Variants in VSIG10L2 observed in about 807,000 individuals in gnomAD.
The protein encoded by VSIG10L2 is V-set and immunoglobulin domain-containing protein 10-like 2.
A neutral mutation model predicts 67.1 loss-of-function variants in VSIG10L2; 56 were observed. That is an observed-to-expected ratio of 0.83 (90% CI 0.67 to 1.04). The LOEUF (loss-of-function observed/expected upper bound fraction) is 1.04, where lower values mean the gene tolerates loss of function less well. VSIG10L2 is among the 50% of genes least tolerant of loss of function. VSIG10L2 has a pLI of 0.00. For synonymous variants in VSIG10L2, 360 were observed against 396.6 expected, an observed-to-expected ratio of 0.91 and a Z score of 1.10; for missense variants, 843 against 932.8, an observed-to-expected ratio of 0.90 and a Z score of 1.25.
At chr11:125,947,544 G>C in intron 1 of VSIG10L2, 142 bp from the exon 2 acceptor site, 1 of 1,230,762 alleles carries the variant, frequency 8.1e-7, no homozygotes, top group South Asian at 4.3e-5. Context: ...ACCAACTCCA[G>C]AAGTGCTTTT....
At chr11:125,950,777 T>C in intron 4 of VSIG10L2, 133 bp from the exon 5 acceptor site, 3 of 857,174 alleles carry the variant, frequency 3.5e-6, no homozygotes, top group Non-Finnish European at 4.6e-6. Context: ...AGACTCAATC[T>C]TTCCCCTAAC....
Position 125,947,829 on chromosome 11 carries a change from G to T in VSIG10L2, c.226G>T (p.Val76Phe). The T allele has an allele frequency of 8.1e-7, 1 of 1,232,488 alleles. No homozygotes were observed. Among genetic ancestry groups the T allele is most frequent in the Non-Finnish European group, 1.0e-6 (1 of 988,240 alleles). 76.3% of individuals were successfully genotyped at this position (1,232,488 alleles called of 1,614,324 possible). Residue 76 changes from valine (V) to phenylalanine (F), a missense_variant, in exon 2 of 12, where the codon GTT (valine) becomes TTT (phenylalanine). By Grantham distance (50) the Val-to-Phe change is conservative. Transcript: ENST00000686984. The part of the protein sequence containing the change: ...LWSFTPLGSL[V>F]PRPVAVTDGA... ...GAGCTTCACCCCCCTGGGCTCCCTG[G>T]TTCCCCGGCCTGTGGCCGTCACCGA...
rs950454781 is a variant in VSIG10L2, at chr11:125,955,984, A to G, written c.*70A>G. 2.3e-5 allele frequency: 15 copies of G among 642,534 alleles called. No individual in the cohort carries two copies. The highest frequency in any genetic ancestry group is 2.5e-4 in the Middle Eastern group (1 of 4,076). The allele number at this position is 642,534 out of a possible 1,614,324, so 39.8% of individuals were successfully genotyped here. A position where few individuals can be genotyped will look rare whatever the true frequency, so the allele number is the denominator to read the frequency against. Reference sequence around the variant, plus strand: ...GATTTGGGAAGAGCCCTTCTGTCAGACTTTGGTCATAAAACCAACGTAGCT... The same window carrying G: ...GATTTGGGAAGAGCCCTTCTGTCAGGCTTTGGTCATAAAACCAACGTAGCT... On this transcript the variant is annotated 3_prime_UTR_variant, in exon 12 of 12. Coordinates refer to ENST00000686984, the MANE Select transcript of VSIG10L2 (RefSeq NM_001365077.2).
chr11:125,949,205 G>C (rs1945332472), intron 3 of VSIG10L2, among the ~76,000 whole-genome samples: 1 of 152,162 alleles, frequency 6.6e-6, no homozygotes, highest in Non-Finnish European at 1.5e-5. Context: ...GATATATTTG[G>C]TTAAATAAAT....
rs1945307620 is a variant in VSIG10L2, at chr11:125,946,799, G to A, written c.82+662G>A. Among the ~76,000 whole-genome samples the A allele has an allele frequency of 6.6e-6, 1 of 152,168 alleles. No homozygotes were observed. Among genetic ancestry groups the A allele is most frequent in the Admixed American group, 6.5e-5 (1 of 15,276 alleles). On this transcript the variant is annotated intron_variant, in intron 1 of 11. Coordinates refer to ENST00000686984, the MANE Select transcript of VSIG10L2 (RefSeq NM_001365077.2). The surrounding 1 kb of genome is among the most constrained non-coding windows in gnomAD (Gnocchi z 4.4). ...GTGATCTGCCCGCCTCAGCCTCCCAGAGTGCTGGGATTACAGGCCTGAGCC... is the reference window on the plus strand; with the variant it reads ...GTGATCTGCCCGCCTCAGCCTCCCAAAGTGCTGGGATTACAGGCCTGAGCC...
At chr11:125,955,202 G>A (rs748063842) in intron 9 of VSIG10L2, 23 bp downstream of exon 9, 30 of 1,254,152 alleles carry the variant, frequency 2.4e-5, no homozygotes, top group Admixed American at 7.7e-5. Flanking sequence ...CGGAAGGGAC[G>A]GGCTGCTTGA....
intron 6 of VSIG10L2, among the ~76,000 whole-genome samples, chr11:125,952,952 G>A (rs781773421): frequency 1.3e-5 from 2 of 152,172 alleles, no homozygotes; most frequent in Non-Finnish European, 2.9e-5. Context: ...TTCCATCGTA[G>A]GAGATTCATT....
In VSIG10L2 at chr11:125,954,379, A is replaced by G; in HGVS notation, c.2079A>G (p.Ile693Met). 8.1e-7 allele frequency: 1 copy of G among 1,232,142 alleles called. No individual in the cohort carries two copies. The highest frequency in any genetic ancestry group is 4.2e-5 in the Admixed American group (1 of 23,722). 76.3% of individuals were successfully genotyped at this position (1,232,142 alleles called of 1,614,324 possible). A position where few individuals can be genotyped will look rare whatever the true frequency, so the allele number is the denominator to read the frequency against. The change falls in exon 8 of 12, where the codon ATA (isoleucine) becomes ATG (methionine). Residue 693 changes from isoleucine (I) to methionine (M), a missense_variant. Physicochemically the swap from Ile to Met is conservative, Grantham distance 10. Around this residue, in one of 2 missense-constraint regions of VSIG10L2, gnomAD observed 397 missense variants for 384.4 expected, o/e 1.03. Coordinates refer to ENST00000686984, the MANE Select transcript of VSIG10L2 (RefSeq NM_001365077.2). ...CAGGACATCCCTCTGAGGTGAAGAT[A>G]CCAGGTGCCAGCTAATGCCAGGGAG... ...HTAGHPSEVK[I>M]PADPPFSAYP...
chr11:125,948,981 C>T (rs1335376194), intron 3 of VSIG10L2, among the ~76,000 whole-genome samples: 1 of 152,150 alleles, frequency 6.6e-6, no homozygotes, highest in Non-Finnish European at 1.5e-5. Flanking sequence ...AGTCAGGAGC[C>T]CCGGGTGAAA....
intron 6 of VSIG10L2, among the ~76,000 whole-genome samples, chr11:125,952,908 T>C (rs1216322541): frequency 2.0e-5 from 3 of 152,222 alleles, no homozygotes; most frequent in East Asian, 3.9e-4. Context: ...CCCCAAATAT[T>C]TCCTTCCCTA....
chr11:125,955,150 A>G lies in VSIG10L2; in HGVS notation c.2177A>G (p.Tyr726Cys), dbSNP rs926315887. 56 of 1,249,090 alleles carry G rather than the reference A, an allele frequency of 4.5e-5. No individual in the cohort carries two copies. Among genetic ancestry groups the G allele is most frequent in the Non-Finnish European group, 3.7e-5 (37 of 998,386 alleles). The allele number at this position is 1,249,090 out of a possible 1,614,324, so 77.4% of individuals were successfully genotyped here. A position where few individuals can be genotyped will look rare whatever the true frequency, so the allele number is the denominator to read the frequency against. Reference sequence around the variant, plus strand: ...GTGGCCTCTCTACTGGTGTTCCAGTATGCTGCCCGGCACCCAGAGACTTTC... The same window carrying G: ...GTGGCCTCTCTACTGGTGTTCCAGTGTGCTGCCCGGCACCCAGAGACTTTC... ...ATVASLLVFQ[Y>C]AARHPETFPR... The change falls in exon 9 of 12, where the codon TAT (tyrosine) becomes TGT (cysteine). Residue 726 changes from tyrosine to cysteine, a missense_variant. Physicochemically the swap from Tyr to Cys is radical, Grantham distance 194. Transcript: ENST00000686984.
Position 125,955,165 on chromosome 11 carries a change from CAG to C in VSIG10L2, c.2196_2197del (p.Glu732AspfsTer26), listed in dbSNP as rs1945442963. Reference sequence around the variant, plus strand: ...GTGTTCCAGTATGCTGCCCGGCACCCAGAGACTTTCCCCCGTGAGTGGGAATC... The same window carrying C: ...GTGTTCCAGTATGCTGCCCGGCACCCAGACTTTCCCCCGTGAGTGGGAATC... On this transcript the variant is annotated frameshift_variant, in exon 9 of 12. Coordinates refer to ENST00000686984, the MANE Select transcript of VSIG10L2 (RefSeq NM_001365077.2). LOFTEE classifies it high-confidence loss of function. 5 of 1,250,888 alleles carry C rather than the reference CAG, an allele frequency of 4.0e-6. No individual in the cohort carries two copies. The highest frequency in any genetic ancestry group is 5.0e-6 in the Non-Finnish European group (5 of 999,404). The allele number at this position is 1,250,888 out of a possible 1,614,324, so 77.5% of individuals were successfully genotyped here.
Position 125,948,340 on chromosome 11 carries a change from C to A in VSIG10L2, c.469C>A (p.Pro157Thr). 8.1e-7 allele frequency: 1 copy of A among 1,232,610 alleles called. No homozygotes were observed. Among genetic ancestry groups the A allele is most frequent in the Non-Finnish European group, 1.0e-6 (1 of 988,352 alleles). The allele number at this position is 1,232,610 out of a possible 1,614,324, so 76.4% of individuals were successfully genotyped here. A position where few individuals can be genotyped will look rare whatever the true frequency, so the allele number is the denominator to read the frequency against. The change falls in exon 3 of 12, where the codon CCG becomes ACG. Residue 157 changes from proline to threonine, a missense_variant. This residue lies in a region of VSIG10L2 where 446 missense variants were observed against 548.4 expected (regional missense o/e 0.81). Coordinates refer to ENST00000686984, the MANE Select transcript of VSIG10L2 (RefSeq NM_001365077.2). ...CAAGCCTCAAGTGCGACTGAGTAAC[C>A]CGTCCCCTGTGGAGGGAGCCTCCGT... ...VSKPQVRLSN[P>T]SPVEGASVVA...
chr11:125,951,561 C>A (rs146535123), intron 5 of VSIG10L2, among the ~76,000 whole-genome samples: 14 of 152,380 alleles, frequency 9.2e-5, no homozygotes, highest in Admixed American at 2.0e-4. Context: ...ATCCTGTCCT[C>A]TTTCCGGAAG....
chr11:125,951,728 G>C, intron 5 of VSIG10L2, 85 bp from the exon 6 acceptor site: 9 of 1,340,484 alleles, frequency 6.7e-6, no homozygotes, highest in Non-Finnish European at 8.9e-6. Flanking sequence ...GGGAGTGAAG[G>C]AACCAATGAA....
At chr11:125,949,966 T>C (rs1459318098) in intron 3 of VSIG10L2, 48 bp from the exon 4 acceptor site, 1 of 1,231,574 alleles carries the variant, frequency 8.1e-7, no homozygotes, top group Admixed American at 4.2e-5. Context: ...TGTGCGTGAA[T>C]GAAGGAATGA....
chr11:125,949,086 C>T (rs563485459), intron 3 of VSIG10L2, among the ~76,000 whole-genome samples: 2 of 152,352 alleles, frequency 1.3e-5, no homozygotes, highest in Admixed American at 1.3e-4. Flanking sequence ...CCAAACTGAG[C>T]TGTGCTGTAG....
chr11:125,947,383 GT>G (rs1285543355), intron 1 of VSIG10L2: 9 of 981,178 alleles, frequency 9.2e-6, no homozygotes, highest in African/African-American at 3.5e-5. Flanking sequence ...ATAGTCTGGG[GT>G]GACGTCCACG....
At chr11:125,955,707 G>T in intron 11 of VSIG10L2, 40 bp downstream of exon 11, 1 of 1,502,908 alleles carries the variant, frequency 6.7e-7, no homozygotes, top group Non-Finnish European at 8.9e-7. Context: ...CGTGTACAAG[G>T]AGACCAGTGC....
Sources: allele counts gnomAD v4.1 joint callset (sites outside exome capture counted in the v4.1 genomes callset), GRCh38; gene constraint gnomAD v4.1.1; regional missense constraint gnomAD v4.1.1; non-coding constraint Gnocchi (gnomAD v3.1); transcripts MANE v1.5; gene names NCBI Gene and HGNC (gene_info 2026-07-23, HGNC 2026-07-21).